The following ALK variants were observed in gnomAD, a reference collection of about 807,000 sequenced individuals.
ALK encodes the protein ALK tyrosine kinase receptor.
ALK carries 74 observed loss-of-function variants against 163.1 expected under a neutral mutation model. That is an observed-to-expected ratio of 0.45 (90% CI 0.38 to 0.55). The LOEUF (loss-of-function observed/expected upper bound fraction) is 0.55. Among genes scored for constraint, ALK ranks in the 20% least tolerant of loss-of-function variants. The probability of loss-of-function intolerance (pLI) is 0.00; values close to 1 mark genes in which losing one functional copy is unlikely to be tolerated. For synonymous variants in ALK, 960 were observed against 843.2 expected (o/e 1.14, Z -2.40); for missense variants, 2,063 against 2,105.3 (o/e 0.98, Z 0.39).
intron 3 of ALK, among the ~76,000 whole-genome samples, chr2:29,669,883 T>TA (rs201606104): frequency 9.4e-5 from 14 of 149,036 alleles, no homozygotes; most frequent in African/African-American, 1.5e-4. Flanking sequence ...AAAAAAAAAC[T>TA]AAAAAAAAAA....
At chr2:29,234,635 T>C (rs956534780) in intron 13 of ALK, among the ~76,000 whole-genome samples, 5 of 152,134 alleles carry the variant, frequency 3.3e-5, no homozygotes, top group African/African-American at 1.2e-4. Context: ...CGATCTCTGA[T>C]CTTCCAGTGT....
intron 4 of ALK, among the ~76,000 whole-genome samples, chr2:29,414,669 G>T (rs1384372715): frequency 6.6e-6 from 1 of 152,222 alleles, no homozygotes; most frequent in Non-Finnish European, 1.5e-5. Context: ...TGAGCACATT[G>T]ATTGTTTGTG....
At chr2:29,303,940 A>G (rs1464083216) in intron 8 of ALK, among the ~76,000 whole-genome samples, 1 of 152,204 alleles carries the variant, frequency 6.6e-6, no homozygotes, top group Non-Finnish European at 1.5e-5. Flanking sequence ...TAAACTCACT[A>G]TTTGGGTGAT....
intron 3 of ALK, among the ~76,000 whole-genome samples, chr2:29,611,512 T>G (rs557687948): frequency 3.3e-5 from 5 of 152,186 alleles, no homozygotes; most frequent in Non-Finnish European, 4.4e-5. Flanking sequence ...AACAGTTACA[T>G]GAAATGGTTA....
intron 4 of ALK, among the ~76,000 whole-genome samples, chr2:29,389,102 G>A (rs1203145102): frequency 1.3e-5 from 2 of 152,192 alleles, no homozygotes; most frequent in African/African-American, 2.4e-5. Context: ...GATATTTACT[G>A]GTGCATTGTT....
At chr2:29,906,309 C>T (rs1667548596) in intron 1 of ALK, among the ~76,000 whole-genome samples, 1 of 152,146 alleles carries the variant, frequency 6.6e-6, no homozygotes, top group Non-Finnish European at 1.5e-5. Flanking sequence ...TCTATAAATC[C>T]CATGCGGGCA....
intron 3 of ALK, among the ~76,000 whole-genome samples, chr2:29,589,720 G>T (rs1674992488): frequency 6.6e-6 from 1 of 152,114 alleles, no homozygotes; most frequent in Admixed American, 6.5e-5. Context: ...TTACAGCTCG[G>T]GAAGTTACAC....
At chr2:29,744,256 A>G (rs1680145212) in intron 1 of ALK, among the ~76,000 whole-genome samples, 2 of 152,160 alleles carry the variant, frequency 1.3e-5, no homozygotes, top group African/African-American at 4.8e-5. Flanking sequence ...ACTATGGTAC[A>G]GTGTCCTTCC....
intron 4 of ALK, among the ~76,000 whole-genome samples, chr2:29,527,431 G>A (rs1341209320): frequency 6.6e-6 from 1 of 152,060 alleles, no homozygotes; most frequent in Non-Finnish European, 1.5e-5. Flanking sequence ...GATGCAGCTG[G>A]GCAGCTGGGA....
chr2:29,208,937 G>A (rs1429438758), intron 25 of ALK, among the ~76,000 whole-genome samples: 1 of 152,038 alleles, frequency 6.6e-6, no homozygotes, highest in Non-Finnish European at 1.5e-5. Flanking sequence ...TTTTTAAAAT[G>A]TAGTCTTGAA....
chr2:29,528,482 A>G (rs1166474537), intron 4 of ALK, among the ~76,000 whole-genome samples: 2 of 152,172 alleles, frequency 1.3e-5, no homozygotes, highest in African/African-American at 2.4e-5. Flanking sequence ...GCCTCTTAAT[A>G]ATACGAGCCT....
At chr2:29,509,471 C>T (rs1672448950) in intron 4 of ALK, among the ~76,000 whole-genome samples, 1 of 152,124 alleles carries the variant, frequency 6.6e-6, no homozygotes, top group African/African-American at 2.4e-5. Flanking sequence ...TCATGCTTTT[C>T]AGTGAATATT....
intron 1 of ALK, among the ~76,000 whole-genome samples, chr2:29,903,096 T>G (rs1402822987): frequency 1.3e-5 from 2 of 152,212 alleles, no homozygotes; most frequent in African/African-American, 4.8e-5. Flanking sequence ...ATTTTTTGTT[T>G]ACCTCATTAG....
chr2:29,336,437 C>T (rs149380461), intron 5 of ALK, among the ~76,000 whole-genome samples: 3 of 152,384 alleles, frequency 2.0e-5, no homozygotes, highest in East Asian at 3.9e-4. Flanking sequence ...CTGTCACTTG[C>T]ATCCTGGAAC....
At chr2:29,383,302 G>T (rs1668948198) in intron 5 of ALK, among the ~76,000 whole-genome samples, 1 of 151,662 alleles carries the variant, frequency 6.6e-6, no homozygotes, top group Non-Finnish European at 1.5e-5. Context: ...TTCAGAACTA[G>T]CCCCTAAAAC....
chr2:29,463,904 A>T (rs1443658664), intron 4 of ALK, among the ~76,000 whole-genome samples: 1 of 152,222 alleles, frequency 6.6e-6, no homozygotes, highest in African/African-American at 2.4e-5. Context: ...CAGCCAAAGT[A>T]GGTAGATCTA....
intron 1 of ALK, among the ~76,000 whole-genome samples, chr2:29,728,265 C>T (rs188052086): frequency 2.3e-4 from 35 of 152,348 alleles, no homozygotes; most frequent in South Asian, 1.2e-3. Flanking sequence ...CATTTTCAAA[C>T]GCAGGAACTG....
rs767673065 is a variant in ALK at position 29,223,395 on chromosome 2, G to A, written c.3306C>T (p.Thr1102=). 1 of 1,614,224 alleles carries A rather than the reference G, an allele frequency of 6.2e-7. No individual in the cohort carries two copies. The highest frequency in any genetic ancestry group is 8.5e-7 in the Non-Finnish European group (1 of 1,180,052). ...CCTCCTTCAGGTCACTGATGGAGGA[G>A]GTCTTGCCAGCAAAGCAGTAGTTGG... ...YNPNYCFAGK[T]SSISDLKEVP... The change falls in exon 20 of 29, where the codon ACC becomes ACT. Residue 1102 remains threonine, a synonymous_variant. Coordinates refer to ENST00000389048, the MANE Select transcript of ALK (RefSeq NM_004304.5).
intron 2 of ALK, among the ~76,000 whole-genome samples, chr2:29,697,776 A>C (rs1573564295): frequency 6.6e-6 from 1 of 152,186 alleles, no homozygotes; most frequent in African/African-American, 2.4e-5. Flanking sequence ...AGTGCATTTT[A>C]ACAGCTGCTT....
Sources: gnomAD v4.1 joint callset for allele counts (sites outside exome capture counted in the v4.1 genomes callset) on GRCh38, gnomAD v4.1.1 for gene constraint, MANE v1.5 for transcripts, NCBI Gene and HGNC (gene_info 2026-07-23, HGNC 2026-07-21) for gene names.